Variants in FRMPD1 observed in about 807,000 individuals in gnomAD.
The protein encoded by FRMPD1 is FERM and PDZ domain-containing protein 1.
FRMPD1 carries 76 observed loss-of-function variants against 117.8 expected under a neutral mutation model. The ratio of observed to expected loss-of-function variants is 0.65; its 90% CI spans 0.54 to 0.78. The LOEUF (loss-of-function observed/expected upper bound fraction) is 0.78. Among genes scored for constraint, FRMPD1 ranks in the 30% least tolerant of loss-of-function variants. The pLI is 0.00. For missense variants in FRMPD1, 1,786 were observed against 1,964.5 expected, an observed-to-expected ratio of 0.91 and a Z score of 1.72; for synonymous variants, 783 against 770.4, an observed-to-expected ratio of 1.02 and a Z score of -0.27.
the FRMPD1 span, chr9:37,637,385 G>T: frequency 1.4e-6 from 1 of 699,132 alleles, no homozygotes; most frequent in Non-Finnish European, 2.6e-6. Context: ...TTCAATTTTA[G>T]AAATTAAAGT....
chr9:37,645,219 C>T, the FRMPD1 span, among the ~76,000 whole-genome samples: 1 of 152,074 alleles, frequency 6.6e-6, no homozygotes, highest in Non-Finnish European at 1.5e-5. Flanking sequence ...AAAGATTTAT[C>T]ACTTAAGGAA....
intron 1 of FRMPD1, among the ~76,000 whole-genome samples, chr9:37,681,428 A>T (rs192319434): frequency 1.3e-5 from 2 of 152,240 alleles, no homozygotes; most frequent in East Asian, 3.9e-4. Flanking sequence ...AGGAATAATC[A>T]TGTGGTCTAA....
chr9:37,735,972 A>G (rs1198922476), intron 13 of FRMPD1, among the ~76,000 whole-genome samples: 1 of 151,358 alleles, frequency 6.6e-6, no homozygotes, highest in Non-Finnish European at 1.5e-5. Flanking sequence ...TTCCTGTTGG[A>G]TTTAGAAACG....
At chr9:37,667,834 T>C (rs1821214284) in intron 1 of FRMPD1, among the ~76,000 whole-genome samples, 1 of 152,142 alleles carries the variant, frequency 6.6e-6, no homozygotes, top group South Asian at 2.1e-4. Context: ...AGGGCTGAGA[T>C]CATCTCCTGC....
the FRMPD1 span, among the ~76,000 whole-genome samples, chr9:37,617,498 A>C: frequency 6.6e-6 from 1 of 152,262 alleles, no homozygotes; most frequent in African/African-American, 2.4e-5. Flanking sequence ...TGTGAGGATT[A>C]AATATGCTAA....
At chr9:37,637,979 T>TCTTTCTTTCTTTC in the FRMPD1 span, among the ~76,000 whole-genome samples, 3 of 104,528 alleles carry the variant, frequency 2.9e-5, no homozygotes, top group African/African-American at 1.0e-4. Flanking sequence ...TTTCTTTCTT[T>TCTTTCTTTCTTTC]CTTTCTTTCT....
chr9:37,730,870 T>G (rs1823835248), intron 8 of FRMPD1, 114 bp from the exon 9 acceptor site: 4 of 1,074,044 alleles, frequency 3.7e-6, no homozygotes, highest in Non-Finnish European at 5.5e-6. Flanking sequence ...GCACTAGAAT[T>G]GAAATCTCTG....
At chr9:37,742,977 G>C (rs1186320324) in intron 15 of FRMPD1, among the ~76,000 whole-genome samples, 1 of 152,224 alleles carries the variant, frequency 6.6e-6, no homozygotes, top group Non-Finnish European at 1.5e-5. Flanking sequence ...CTCAGAGATT[G>C]TGGGGAGCAG....
At chr9:37,713,472 A>T (rs1372891430) in intron 5 of FRMPD1, among the ~76,000 whole-genome samples, 1 of 151,804 alleles carries the variant, frequency 6.6e-6, no homozygotes, top group Non-Finnish European at 1.5e-5. Context: ...AAACAAAATG[A>T]TTATAGCTGG....
intron 2 of FRMPD1, among the ~76,000 whole-genome samples, chr9:37,694,979 T>C (rs1450322502): frequency 2.6e-5 from 4 of 151,792 alleles, no homozygotes; most frequent in African/African-American, 4.8e-5. Context: ...ACATAAACAT[T>C]TGGGTTGATA....
intron 7 of FRMPD1, among the ~76,000 whole-genome samples, chr9:37,728,921 G>C (rs867005867): frequency 1.3e-5 from 2 of 149,144 alleles, no homozygotes; most frequent in Non-Finnish European, 3.0e-5. Context: ...TGAGATCACA[G>C]CATTGCACTC....
At chr9:37,626,500 C>CAAA in the FRMPD1 span, among the ~76,000 whole-genome samples, 1,993 of 87,202 alleles carry the variant, frequency 0.023, 31 homozygotes, top group Non-Finnish European at 0.033. Context: ...GACTTAGTCT[C>CAAA]AAAAAAAAAA....
intron 5 of FRMPD1, among the ~76,000 whole-genome samples, chr9:37,712,698 C>T (rs7040202): frequency 0.69 from 104,675 of 152,152 alleles, 36,310 homozygotes; most frequent in East Asian, 0.94. Context: ...GTTGAAGCTA[C>T]ACTCAGAGTA....
At chr9:37,672,299 C>T (rs769026178) in intron 1 of FRMPD1, among the ~76,000 whole-genome samples, 5 of 152,102 alleles carry the variant, frequency 3.3e-5, no homozygotes, top group Non-Finnish European at 7.4e-5. Flanking sequence ...GCAGAGGCTC[C>T]GTGCCATGAA....
Position 37,686,366 on chromosome 9 carries a change from C to T in FRMPD1, c.-4-6272C>T, listed in dbSNP as rs79750514. 4.4e-3 allele frequency among the ~76,000 whole-genome samples: 668 copies of T among 152,214 alleles called. 18 individuals are homozygous for T. The East Asian group carries it at 0.081, about 19-fold the overall frequency. ...GAAACTTTCTAACAATAAGATGGGT[C>T]CAACAGGGAATGACAGAACATAAGA... On this transcript the variant is annotated intron_variant, in intron 1 of 15. Coordinates refer to ENST00000377765, the MANE Select transcript of FRMPD1 (RefSeq NM_014907.3).
the FRMPD1 span, among the ~76,000 whole-genome samples, chr9:37,632,916 T>TAA: frequency 6.8e-6 from 1 of 147,774 alleles, no homozygotes; most frequent in Non-Finnish European, 1.5e-5. Context: ...TGTATATATA[T>TAA]AATATATAAT....
chr9:37,745,331 C>T lies in FRMPD1; in HGVS notation c.3299C>T (p.Thr1100Ile). The stretch of plus-strand genomic sequence containing the variant: ...GGAGAGAAGATAGCTTCTATCCCTA[C>T]AAAGGAAGAGCCACAAGGACAACTA... ...NPGEKIASIP[T>I]KEEPQGQLSL... is the part of the protein sequence containing the mutation. Residue 1100 changes from threonine (T) to isoleucine (I), a missense_variant, in exon 16 of 16, where the codon ACA (threonine) becomes ATA (isoleucine). Coordinates refer to ENST00000377765, the MANE Select transcript of FRMPD1 (RefSeq NM_014907.3). 3 of 1,611,886 alleles carry T rather than the reference C, an allele frequency of 1.9e-6. No individual in the cohort carries two copies. Among genetic ancestry groups the T allele is most frequent in the Non-Finnish European group, 2.5e-6 (3 of 1,177,998 alleles).
At position 37,740,110 on chromosome 9, in the gene FRMPD1, G is replaced by A. The variant is rs763475995; in HGVS notation, c.1582G>A (p.Glu528Lys). ...ATCCAGGGCCTGCAGTGACTCAGAGGAGTCCTCTGAGGTGGACTGCGTACT... is the reference window on the plus strand; with the variant it reads ...ATCCAGGGCCTGCAGTGACTCAGAGAAGTCCTCTGAGGTGGACTGCGTACT... ...YESRACSDSE[E>K]SSEVDCVLEP... The change falls in exon 15 of 16, where the codon GAG becomes AAG. Residue 528 changes from glutamate to lysine, a missense_variant. By Grantham distance (56) the Glu-to-Lys change is moderately conservative. Transcript: ENST00000377765. This position sits in a 1 kb window ranked among gnomAD's most constrained non-coding sequence, Gnocchi z 4.2. The A allele has an allele frequency of 1.3e-5, 21 of 1,611,416 alleles. No individual in the cohort carries two copies. The South Asian group carries it at 1.9e-4, about 14-fold the overall frequency.
At chr9:37,629,619 G>A in the FRMPD1 span, among the ~76,000 whole-genome samples, 5 of 152,312 alleles carry the variant, frequency 3.3e-5, no homozygotes, top group East Asian at 1.9e-4. Context: ...AAACATTAAA[G>A]TAATCCTCAC....
Sources: gnomAD v4.1 joint callset for allele counts (sites outside exome capture counted in the v4.1 genomes callset) on GRCh38, gnomAD v4.1.1 for gene constraint, Gnocchi (gnomAD v3.1) non-coding constraint, MANE v1.5 for transcripts, NCBI Gene and HGNC (gene_info 2026-07-23, HGNC 2026-07-21) for gene names.